Variants in COG5 observed in about 807,000 individuals in gnomAD.
The protein encoded by COG5 is component of oligomeric golgi complex 5.
COG5 carries 86 observed loss-of-function variants against 110.4 expected under a neutral mutation model. The ratio of observed to expected loss-of-function variants is 0.78; its 90% CI spans 0.65 to 0.93. The LOEUF (loss-of-function observed/expected upper bound fraction) is 0.93, where lower values mean the gene tolerates loss of function less well. COG5 is among the 40% of genes least tolerant of loss of function. COG5 has a pLI of 0.00. For missense variants in COG5, 1,077 were observed against 987.0 expected (o/e 1.09, Z -1.22); for synonymous variants, 360 against 334.6 (o/e 1.08, Z -0.83).
At chr7:107,404,948 G>C (rs1489133458) in intron 7 of COG5, among the ~76,000 whole-genome samples, 1 of 147,640 alleles carries the variant, frequency 6.8e-6, no homozygotes, top group Non-Finnish European at 1.5e-5. Context: ...AATGCTGAAG[G>C]ACCAGTTTAG....
At chr7:107,253,662 T>C (rs1019145284) in intron 16 of COG5, among the ~76,000 whole-genome samples, 3 of 152,154 alleles carry the variant, frequency 2.0e-5, no homozygotes, top group Admixed American at 2.0e-4. Flanking sequence ...GTTTAGAATA[T>C]GTGATGATGG....
At chr7:107,419,239 A>G (rs971873532) in intron 6 of COG5, among the ~76,000 whole-genome samples, 10 of 151,530 alleles carry the variant, frequency 6.6e-5, no homozygotes, top group Admixed American at 4.6e-4. Flanking sequence ...TAGAGAACAG[A>G]GAACATAATA....
rs1804221625 is a variant in COG5, at chr7:107,563,819, C to A, written c.78G>T (p.Arg26=). 1 of 1,613,780 alleles carries A rather than the reference C, an allele frequency of 6.2e-7. No individual in the cohort carries two copies. The highest frequency in any genetic ancestry group is 1.7e-5 in the Admixed American group (1 of 60,002). Residue 26 remains arginine, a synonymous_variant, in exon 1 of 22, where the codon CGG becomes CGT. Transcript: ENST00000297135. ...TCTCCTTACCGTCCTGCAGAAGTTC[C>A]CGGACTGTAGCTGCAGCCGCTCCAG... ...RGSGAAAATV[R]ELLQDGCYSD...
chr7:107,335,395 G>A (rs559383955), intron 10 of COG5, among the ~76,000 whole-genome samples: 2 of 152,114 alleles, frequency 1.3e-5, no homozygotes, highest in South Asian at 2.1e-4. Context: ...ATCTCAAAAA[G>A]TAATAAAATA....
At chr7:107,350,667 A>G in intron 10 of COG5, among the ~76,000 whole-genome samples, 1 of 152,200 alleles carries the variant, frequency 6.6e-6, no homozygotes. Context: ...GGCTAAAACT[A>G]AAAATGTGTT....
intron 6 of COG5, among the ~76,000 whole-genome samples, chr7:107,447,013 T>G (rs1584834084): frequency 6.6e-6 from 1 of 152,214 alleles, no homozygotes; most frequent in Non-Finnish European, 1.5e-5. Flanking sequence ...GTATTGGCTG[T>G]CTGTGTTACT....
chr7:107,551,388 T>G (rs529609505), intron 3 of COG5, among the ~76,000 whole-genome samples: 44 of 152,182 alleles, frequency 2.9e-4, no homozygotes, highest in Non-Finnish European at 5.7e-4. Flanking sequence ...GAAGAATATT[T>G]TTAAAAAGAA....
Position 107,228,460 on chromosome 7 carries a change from T to TCA in COG5, c.2168+2154_2168+2155insTG. 1.3e-5 allele frequency among the ~76,000 whole-genome samples: 2 copies of TCA among 152,318 alleles called. 1 individual carries two copies. Among genetic ancestry groups the TCA allele is most frequent in the South Asian group, 4.1e-4 (2 of 4,824 alleles). On this transcript the variant is annotated intron_variant, in intron 19 of 21. Coordinates refer to ENST00000297135, the MANE Select transcript of COG5 (RefSeq NM_006348.5). ...CATTTTATTACCCAGCTAGGATTGCTGTGTTACCATCTTACTCAAGAGTAA... is the reference window on the plus strand; with the variant it reads ...CATTTTATTACCCAGCTAGGATTGCTCAGTGTTACCATCTTACTCAAGAGTAA...
chr7:107,558,363 C>A (rs375589256), intron 1 of COG5, among the ~76,000 whole-genome samples: 2 of 151,996 alleles, frequency 1.3e-5, no homozygotes, highest in African/African-American at 4.8e-5. Context: ...TTTGGGAGGC[C>A]GAGGTGGGTG....
chr7:107,540,915 C>A (rs1321824789), intron 5 of COG5, among the ~76,000 whole-genome samples: 1 of 152,072 alleles, frequency 6.6e-6, no homozygotes, highest in African/African-American at 2.4e-5. Context: ...CTTTGGGAGG[C>A]TGAGGCAGGC....
chr7:107,446,701 G>C (rs574028094), intron 6 of COG5, among the ~76,000 whole-genome samples: 12 of 152,276 alleles, frequency 7.9e-5, no homozygotes, highest in African/African-American at 2.9e-4. Context: ...GGCCCTCATG[G>C]TGAGGAATGG....
rs141250638 is a variant in COG5 at position 107,413,363 on chromosome 7, C to G, written c.539-731G>C. 9.0e-3 allele frequency among the ~76,000 whole-genome samples: 1,369 copies of G among 152,094 alleles called. 17 individuals are homozygous for G. The highest frequency in any genetic ancestry group is 0.027 in the Middle Eastern group (8 of 294). The stretch of plus-strand genomic sequence containing the variant: ...CACCAGCTTCCACCTCCCCAGTTAT[C>G]CAAACCATATTTACAATCACTCACC... On this transcript the variant is annotated intron_variant, in intron 6 of 21. Transcript: ENST00000297135.
At chr7:107,331,916 A>G (rs1206696048) in intron 10 of COG5, among the ~76,000 whole-genome samples, 1 of 144,664 alleles carries the variant, frequency 6.9e-6, no homozygotes, top group African/African-American at 2.6e-5. Flanking sequence ...ATCTCGGCTC[A>G]CTGCAGCCTC....
intron 17 of COG5, 89 bp downstream of exon 17, chr7:107,248,307 C>T: frequency 2.4e-6 from 2 of 850,200 alleles, no homozygotes; most frequent in African/African-American, 1.7e-5. Flanking sequence ...CCCTGGATGG[C>T]AGGGGGGCAG....
chr7:107,480,583 G>A (rs749024585), intron 6 of COG5, among the ~76,000 whole-genome samples: 3 of 151,966 alleles, frequency 2.0e-5, no homozygotes, highest in South Asian at 2.1e-4. Context: ...AGAGAAATAC[G>A]AATAGAATAC....
intron 6 of COG5, among the ~76,000 whole-genome samples, chr7:107,442,613 G>C (rs1251574960): frequency 7.0e-6 from 1 of 143,550 alleles, no homozygotes; most frequent in African/African-American, 2.6e-5. Context: ...TGGAAATACA[G>C]TCTCATCTGA....
chr7:107,484,794 T>C (rs1797558606), intron 6 of COG5, among the ~76,000 whole-genome samples: 1 of 152,220 alleles, frequency 6.6e-6, no homozygotes, highest in Non-Finnish European at 1.5e-5. Context: ...TGGGAATGGT[T>C]GTCTAGGTAT....
chr7:107,541,863 G>A (rs564649527), intron 5 of COG5, among the ~76,000 whole-genome samples: 35 of 151,110 alleles, frequency 2.3e-4, no homozygotes, highest in Admixed American at 8.6e-4. Flanking sequence ...GCCAGGAGGC[G>A]CGGTTGCAGT....
intron 14 of COG5, among the ~76,000 whole-genome samples, chr7:107,275,689 A>G (rs1388212442): frequency 1.3e-5 from 2 of 151,822 alleles, no homozygotes; most frequent in African/African-American, 2.4e-5. Flanking sequence ...ACACCTGACT[A>G]ATTTTTGTAC....
Sources: allele counts gnomAD v4.1 joint callset (sites outside exome capture counted in the v4.1 genomes callset), GRCh38; gene constraint gnomAD v4.1.1; transcripts MANE v1.5; gene names NCBI Gene and HGNC (gene_info 2026-07-23, HGNC 2026-07-21).